Variants in NEB observed in about 807,000 individuals in gnomAD.
NEB encodes the protein nemaline myopathy type 2.
Under a neutral mutation model 952.2 loss-of-function variants are expected in NEB, and 512 were observed. The observed-to-expected ratio is 0.54, with a 90% CI of 0.50 to 0.58. NEB has a LOEUF of 0.58. Ranked by LOEUF, NEB falls within the 20% of genes least tolerant of loss-of-function variation. The pLI is 0.00. For missense variants in NEB, 8,428 were observed against 9,231.1 expected (o/e 0.91, Z 3.56); for synonymous variants, 2,900 against 3,149.8 (o/e 0.92, Z 2.66).
chr2:151,628,107 T>C (rs2098559079), intron 68 of NEB, among the ~76,000 whole-genome samples: 1 of 152,200 alleles, frequency 6.6e-6, no homozygotes, highest in Admixed American at 6.5e-5. Flanking sequence ...CATGGTCCTA[T>C]GGCTTGTAGA....
chr2:151,671,296 G>A, intron 37 of NEB, 67 bp from the exon 38 acceptor site: 2 of 1,324,004 alleles, frequency 1.5e-6, no homozygotes, highest in South Asian at 2.6e-5. Flanking sequence ...TCTGGGATCT[G>A]CAATTCTATC....
At chr2:151,688,184 A>G in intron 25 of NEB, 108 bp downstream of exon 25, 2 of 880,380 alleles carry the variant, frequency 2.3e-6, no homozygotes, top group Non-Finnish European at 3.5e-6. Context: ...CAAAGTAACC[A>G]TCTTAAAGTT....
chr2:151,548,270 A>C (rs1200857394), intron 131 of NEB, 38 bp downstream of exon 131: 3 of 1,491,334 alleles, frequency 2.0e-6, no homozygotes, highest in African/African-American at 2.8e-5. Context: ...TGGCTATTGA[A>C]ACTCAATATG....
intron 179 of NEB, 32 bp from the exon 180 acceptor site, chr2:151,490,550 A>G: frequency 6.2e-7 from 1 of 1,600,966 alleles, no homozygotes; most frequent in Non-Finnish European, 8.5e-7. Context: ...GAGATGTAGC[A>G]AACATGAAAT....
intron 71 of NEB, among the ~76,000 whole-genome samples, chr2:151,624,784 C>A (rs1193429572): frequency 6.6e-6 from 1 of 152,078 alleles, no homozygotes; most frequent in Non-Finnish European, 1.5e-5. Flanking sequence ...CTTCTTGAAT[C>A]AACCATATAC....
Position 151,697,170 on chromosome 2 carries a change from T to C in NEB, c.1448A>G (p.Lys483Arg), listed in dbSNP as rs1274409147. Residue 483 changes from lysine (K) to arginine (R), a missense_variant, in exon 16 of 182, where the codon AAG (lysine) becomes AGG (arginine). Physicochemically the swap from Lys to Arg is conservative, Grantham distance 26. This residue lies in a region of NEB where 2,851 missense variants were observed against 2,791.5 expected (regional missense o/e 1.02). Transcript: ENST00000397345. ...QTITQEYEAI[K>R]KLDQCKDHTY... ...TACGTCTTTACACTGATCTAGTTTC[T>C]TAATTGCTTCATATTCTTGAGTTAT... 1 of 1,613,408 alleles carries C rather than the reference T, an allele frequency of 6.2e-7. No homozygotes were observed. The highest frequency in any genetic ancestry group is 8.5e-7 in the Non-Finnish European group (1 of 1,179,796).
At chr2:151,717,570 T>C in intron 9 of NEB, 50 bp from the exon 10 acceptor site, 1 of 1,356,276 alleles carries the variant, frequency 7.4e-7, no homozygotes, top group East Asian at 2.3e-5. Flanking sequence ...TATGCTTTCA[T>C]CTTTATTTGA....
Position 151,697,258 on chromosome 2 carries a change from A to C in NEB, c.1366-6T>G. The stretch of plus-strand genomic sequence containing the variant: ...TATTCTGCTTTGTAGTTTTTCTATG[A>C]GGAGAAGAAATTAGGCATAAGATGC... On this transcript the variant is annotated splice_region_variant and splice_polypyrimidine_tract_variant and intron_variant, in intron 15 of 181. Transcript: ENST00000397345. 1 of 1,613,460 alleles carries C rather than the reference A, an allele frequency of 6.2e-7. No individual in the cohort carries two copies. Among genetic ancestry groups the C allele is most frequent in the Non-Finnish European group, 8.5e-7 (1 of 1,179,438 alleles).
At chr2:151,509,651 C>T (rs776851201) in intron 161 of NEB, among the ~76,000 whole-genome samples, 17 of 151,904 alleles carry the variant, frequency 1.1e-4, no homozygotes, top group Non-Finnish European at 2.2e-4. Context: ...TTTTTTGAGG[C>T]GGAGTTTCGC....
At chr2:151,502,131 A>ACAT (rs2065100513) in intron 167 of NEB, among the ~76,000 whole-genome samples, 1 of 152,166 alleles carries the variant, frequency 6.6e-6, no homozygotes, top group African/African-American at 2.4e-5. Context: ...GGAAAACCAA[A>ACAT]CATTGTATGT....
rs2065684684 is a variant in NEB, at chr2:151,502,746, TAAATA to T, written c.23928+42_23928+46del. ...TTACATTTGTAAGGTGTTATTATTT[TAAATA>T]AAATTAAGGGATTTTTTTTTTTTTG... On this transcript the variant is annotated intron_variant, in intron 167 of 181. Transcript: ENST00000397345. The T allele has an allele frequency of 8.7e-6, 9 of 1,034,346 alleles. No homozygotes were observed. In the East Asian group the frequency reaches 2.3e-4, roughly 26 times the overall value. 64.1% of individuals were successfully genotyped at this position (1,034,346 alleles called of 1,614,324 possible). A position where few individuals can be genotyped will look rare whatever the true frequency, so the allele number is the denominator to read the frequency against.
chr2:151,654,249 T>G (rs1181257639), intron 51 of NEB, 150 bp from the exon 52 acceptor site: 1 of 487,752 alleles, frequency 2.1e-6, no homozygotes, highest in Non-Finnish European at 3.6e-6. Context: ...AACAAGCTGT[T>G]TAAAGGAGGG....
chr2:151,695,155 A>G (rs1024478610), intron 18 of NEB, among the ~76,000 whole-genome samples: 1 of 152,190 alleles, frequency 6.6e-6, no homozygotes, highest in South Asian at 2.1e-4. Flanking sequence ...CTGCCCTTTC[A>G]ATCCCCTATA....
intron 105 of NEB, among the ~76,000 whole-genome samples, chr2:151,579,025 G>C: frequency 6.8e-6 from 1 of 147,120 alleles, no homozygotes; most frequent in Non-Finnish European, 1.5e-5. Flanking sequence ...AGGTTGCAGT[G>C]GGCTGAGATT....
chr2:151,717,623 G>T, intron 9 of NEB, 103 bp from the exon 10 acceptor site: 1 of 851,828 alleles, frequency 1.2e-6, no homozygotes, highest in Non-Finnish European at 1.9e-6. Flanking sequence ...TGTCCTAGAT[G>T]TTACATACCA....
intron 138 of NEB, 78 bp downstream of exon 138, chr2:151,540,266 G>A (rs1228547792): frequency 1.4e-5 from 12 of 861,172 alleles, no homozygotes; most frequent in Non-Finnish European, 2.0e-5. Flanking sequence ...GGATATGGCT[G>A]AAATATGTTA....
At chr2:151,537,759 C>T in intron 140 of NEB, 113 bp downstream of exon 140, 1 of 661,104 alleles carries the variant, frequency 1.5e-6, no homozygotes, top group Non-Finnish European at 2.4e-6. Context: ...AACATCCACA[C>T]ACAAAATCTA....
At chr2:151,713,396 G>C (rs1344865094) in intron 10 of NEB, among the ~76,000 whole-genome samples, 1 of 152,108 alleles carries the variant, frequency 6.6e-6, no homozygotes, top group East Asian at 1.9e-4. Flanking sequence ...AACACTGCCT[G>C]CTTGACTCAA....
rs150833640 is a variant in NEB, at chr2:151,690,389, C to T, written c.2310+338G>A. 2.0e-3 allele frequency: 426 copies of T among 210,144 alleles called. 2 individuals carry two copies. The highest frequency in any genetic ancestry group is 9.6e-3 in the African/African-American group (410 of 42,652). 13.0% of individuals were successfully genotyped at this position (210,144 alleles called of 1,614,324 possible). On this transcript the variant is annotated intron_variant, in intron 24 of 181. Transcript: ENST00000397345. ...CAAATTCAAGAATCGGAAATATTTG[C>T]CTTGTCCTACACAAATAGATGCTTT...
Sources: gnomAD v4.1 joint callset for allele counts (sites outside exome capture counted in the v4.1 genomes callset) on GRCh38, gnomAD v4.1.1 for gene constraint, gnomAD v4.1.1 regional missense constraint, MANE v1.5 for transcripts, NCBI Gene and HGNC (gene_info 2026-07-23, HGNC 2026-07-21) for gene names.